The following USH2A variants were observed in gnomAD, a reference collection of about 807,000 sequenced individuals.
The protein encoded by USH2A is Usher syndrome 2A (autosomal recessive, mild).
Under a neutral mutation model 538.9 loss-of-function variants are expected in USH2A, and 443 were observed. The ratio of observed to expected loss-of-function variants is 0.82; its 90% CI spans 0.76 to 0.89. The LOEUF (loss-of-function observed/expected upper bound fraction) is 0.89. Ranked by LOEUF, USH2A falls within the 40% of genes least tolerant of loss-of-function variation. The probability of loss-of-function intolerance (pLI) is 0.00; values close to 1 mark genes in which losing one functional copy is unlikely to be tolerated. For missense variants in USH2A, 6,633 were observed against 6,324.8 expected, an observed-to-expected ratio of 1.05 and a Z score of -1.65; for synonymous variants, 2,413 against 2,273.5, an observed-to-expected ratio of 1.06 and a Z score of -1.75.
In USH2A at chr1:215,798,959, G is replaced by A. The variant is rs757439664; in HGVS notation, c.9906C>T (p.Asn3302=). The A allele has an allele frequency of 1.8e-5, 29 of 1,613,916 alleles. No homozygotes were observed. The highest frequency in any genetic ancestry group is 1.6e-4 in the Middle Eastern group (1 of 6,084). ...QKCCGRQIVS[N]DLECCGGEEG... ...CTTCTCCACCACAACACTCTAAATC[G>A]TTGCTCACAATCTGTCTGCCACAGC... Residue 3302 remains asparagine (N), a synonymous_variant, in exon 50 of 72, where the codon AAC becomes AAT. Coordinates refer to ENST00000307340, the MANE Select transcript of USH2A (RefSeq NM_206933.4).
At chr1:216,236,748 C>A (rs1328614555) in intron 13 of USH2A, among the ~76,000 whole-genome samples, 1 of 152,094 alleles carries the variant, frequency 6.6e-6, no homozygotes, top group African/African-American at 2.4e-5. Context: ...GTGCTCGTCA[C>A]AGCAACAGAT....
intron 38 of USH2A, among the ~76,000 whole-genome samples, chr1:215,921,155 C>A (rs1030634822): frequency 1.3e-5 from 2 of 151,962 alleles, no homozygotes; most frequent in Non-Finnish European, 2.9e-5. Context: ...CACAAGAATG[C>A]AAACTATGTA....
chr1:216,097,346 G>A (rs931710200), intron 21 of USH2A, 133 bp from the exon 22 acceptor site: 29 of 1,491,456 alleles, frequency 1.9e-5, no homozygotes, highest in East Asian at 4.7e-5. Flanking sequence ...CAATATACTC[G>A]CATGGTCTAG....
In USH2A at chr1:215,786,652, C is replaced by A; in HGVS notation, c.10387+18G>T. The A allele has an allele frequency of 1.2e-6, 2 of 1,613,748 alleles. No homozygotes were observed. The highest frequency in any genetic ancestry group is 1.7e-6 in the Non-Finnish European group (2 of 1,179,732). On this transcript the variant is annotated intron_variant, in intron 52 of 71. Coordinates refer to ENST00000307340, the MANE Select transcript of USH2A (RefSeq NM_206933.4). ...CTAACCCCATTAAGCCATGGGCAGACAGCTTGCTTTCTGTTACCTGTGTAA... is the reference window on the plus strand; with the variant it reads ...CTAACCCCATTAAGCCATGGGCAGAAAGCTTGCTTTCTGTTACCTGTGTAA...
intron 3 of USH2A, among the ~76,000 whole-genome samples, chr1:216,378,330 A>G (rs1485943199): frequency 6.6e-6 from 1 of 152,148 alleles, no homozygotes; most frequent in African/African-American, 2.4e-5. Context: ...TACATCTCCT[A>G]AGACTTACAG....
intron 14 of USH2A, among the ~76,000 whole-genome samples, chr1:216,231,274 T>A (rs1410311725): frequency 2.6e-5 from 3 of 117,442 alleles, no homozygotes; most frequent in Admixed American, 1.0e-4. Flanking sequence ...ATATATATAA[T>A]ATATATACAC....
intron 3 of USH2A, among the ~76,000 whole-genome samples, chr1:216,394,517 T>C (rs2039170423): frequency 6.6e-6 from 1 of 152,110 alleles, no homozygotes; most frequent in Non-Finnish European, 1.5e-5. Flanking sequence ...ACATTTTGCT[T>C]TATATAAGTC....
intron 4 of USH2A, among the ~76,000 whole-genome samples, chr1:216,351,697 C>T (rs1246490184): frequency 2.5e-5 from 3 of 118,388 alleles, no homozygotes; most frequent in Non-Finnish European, 5.2e-5. Flanking sequence ...AAGCGGAGTG[C>T]CTGGAAGTAG....
chr1:215,795,551 A>T (rs1662102152), intron 50 of USH2A, among the ~76,000 whole-genome samples: 1 of 152,212 alleles, frequency 6.6e-6, no homozygotes, highest in Non-Finnish European at 1.5e-5. Context: ...GCAGTTGACT[A>T]ATTCTTTTAA....
At chr1:216,028,946 T>G (rs1253809845) in intron 32 of USH2A, among the ~76,000 whole-genome samples, 1 of 152,104 alleles carries the variant, frequency 6.6e-6, no homozygotes, top group Non-Finnish European at 1.5e-5. Flanking sequence ...AAAACAGACT[T>G]TAAATGCATA....
chr1:216,259,584 C>A (rs770999333), intron 11 of USH2A, among the ~76,000 whole-genome samples: 6 of 151,956 alleles, frequency 3.9e-5, no homozygotes, highest in Non-Finnish European at 8.8e-5. Flanking sequence ...AGAATTGATG[C>A]ATTCAAAGAT....
Position 215,675,458 on chromosome 1 carries a change from A to G in USH2A, c.12453T>C (p.Asp4151=), listed in dbSNP as rs2102666923. Reference sequence around the variant, plus strand: ...CCAGCTGAGAGTCTGGAGGGGCTTCATCTGTCCACAGAGGCTGAGGCGCCG... The same window carrying G: ...CCAGCTGAGAGTCTGGAGGGGCTTCGTCTGTCCACAGAGGCTGAGGCGCCG... The part of the protein sequence containing the change: ...AHSAPQPLWT[D]EAPPDSQLAP... Residue 4151 remains aspartate, a synonymous_variant, in exon 63 of 72, where the codon GAT becomes GAC. Transcript: ENST00000307340. 1 of 1,614,040 alleles carries G rather than the reference A, an allele frequency of 6.2e-7. No individual in the cohort carries two copies. The highest frequency in any genetic ancestry group is 1.3e-5 in the African/African-American group (1 of 75,046).
At chr1:216,401,901 C>A (rs1243924626) in intron 3 of USH2A, among the ~76,000 whole-genome samples, 1 of 151,966 alleles carries the variant, frequency 6.6e-6, no homozygotes, top group African/African-American at 2.4e-5. Context: ...GTAAAAAGGA[C>A]ATCATTACAA....
Position 215,624,593 on chromosome 1 carries a change from A to T in USH2A, c.*1188T>A, listed in dbSNP as rs75496213. The T allele has an allele frequency of 6.6e-6, 1 of 152,158 alleles. No homozygotes were observed. The highest frequency in any genetic ancestry group is 1.5e-5 in the Non-Finnish European group (1 of 68,018). 9.4% of individuals were successfully genotyped at this position (152,158 alleles called of 1,614,324 possible). On this transcript the variant is annotated 3_prime_UTR_variant, in exon 72 of 72. Transcript: ENST00000307340. ...ATCTGATTTTATGTGGATGATTTGC[A>T]AGAAAATTTTTCTTGCCATAGGACT...
At chr1:216,229,192 C>T (rs2035626358) in intron 14 of USH2A, among the ~76,000 whole-genome samples, 1 of 151,934 alleles carries the variant, frequency 6.6e-6, no homozygotes, top group Non-Finnish European at 1.5e-5. Context: ...AAACCCCACA[C>T]TTAATCTGAA....
intron 35 of USH2A, among the ~76,000 whole-genome samples, chr1:215,973,087 T>A (rs548330740): frequency 1.1e-4 from 16 of 152,296 alleles, no homozygotes; most frequent in Non-Finnish European, 1.9e-4. Context: ...AAAAATCTTA[T>A]GTACAAATAG....
intron 31 of USH2A, among the ~76,000 whole-genome samples, chr1:216,047,586 C>A (rs1410812879): frequency 1.3e-5 from 2 of 152,066 alleles, no homozygotes; most frequent in African/African-American, 4.8e-5. Context: ...TTTATCCTGT[C>A]CTGGTTTCAT....
chr1:216,289,162 A>T (rs1340938093), intron 11 of USH2A, 118 bp downstream of exon 11: 3 of 1,454,464 alleles, frequency 2.1e-6, no homozygotes, highest in Non-Finnish European at 2.9e-6. Flanking sequence ...TTGAAATGCA[A>T]ATGCACATAG....
chr1:216,359,369 C>T (rs1178803663), intron 4 of USH2A, among the ~76,000 whole-genome samples: 1 of 152,002 alleles, frequency 6.6e-6, no homozygotes, highest in African/African-American at 2.4e-5. Flanking sequence ...TCTAAACATA[C>T]ATCATCTCAC....
Sources: allele counts gnomAD v4.1 joint callset (sites outside exome capture counted in the v4.1 genomes callset), GRCh38; gene constraint gnomAD v4.1.1; transcripts MANE v1.5; gene names NCBI Gene and HGNC (gene_info 2026-07-23, HGNC 2026-07-21).